AGBL1: variants seen among roughly 807,000 people sequenced by gnomAD.
AGBL1 encodes cytosolic carboxypeptidase 4.
AGBL1 carries 130 observed loss-of-function variants against 118.9 expected under a neutral mutation model. The observed-to-expected ratio is 1.09, with a 90% CI of 0.95 to 1.26. AGBL1 has a LOEUF of 1.26. Ranked by LOEUF, AGBL1 falls within the 50% of genes most tolerant of loss-of-function variation. The pLI, the probability that AGBL1 is intolerant of heterozygous loss-of-function variation, is 0.00. For synonymous variants in AGBL1, 555 were observed against 478.9 expected (o/e 1.16, Z -2.08); for missense variants, 1,584 against 1,298.1 (o/e 1.22, Z -3.38).
chr15:86,344,006 A>G (rs972036077), intron 17 of AGBL1, among the ~76,000 whole-genome samples: 5 of 152,190 alleles, frequency 3.3e-5, no homozygotes, highest in African/African-American at 1.2e-4. Context: ...AAGGTAGCAT[A>G]TTTTTGTTTC....
At chr15:86,963,299 T>C (rs1237945734) in intron 23 of AGBL1, among the ~76,000 whole-genome samples, 1 of 152,106 alleles carries the variant, frequency 6.6e-6, no homozygotes, top group Non-Finnish European at 1.5e-5. Flanking sequence ...TACAGAATCC[T>C]CAGTTTACTT....
intron 24 of AGBL1, among the ~76,000 whole-genome samples, chr15:87,015,019 A>G (rs1291133791): frequency 1.3e-5 from 2 of 152,122 alleles, no homozygotes; most frequent in African/African-American, 4.8e-5. Context: ...GACATGATTC[A>G]ATCAGCTTGG....
At chr15:86,881,263 C>T (rs1321843495) in intron 22 of AGBL1, among the ~76,000 whole-genome samples, 5 of 152,148 alleles carry the variant, frequency 3.3e-5, no homozygotes, top group African/African-American at 1.2e-4. Flanking sequence ...TCTGAAGAAA[C>T]TTTTCTTTTT....
At chr15:86,117,876 G>C (rs1897859754) in intron 1 of AGBL1, among the ~76,000 whole-genome samples, 1 of 152,198 alleles carries the variant, frequency 6.6e-6, no homozygotes, top group Non-Finnish European at 1.5e-5. Flanking sequence ...ATTTGGATTG[G>C]TGCGGGAATC....
intron 19 of AGBL1, among the ~76,000 whole-genome samples, chr15:86,542,225 C>G (rs185291439): frequency 6.6e-6 from 1 of 152,106 alleles, no homozygotes; most frequent in South Asian, 2.1e-4. Flanking sequence ...TGAGTTTATC[C>G]TGTTTATGAG....
rs61365024 is a variant in AGBL1 at position 86,262,078 on chromosome 15, C to CTTTTTTTTTTTTTTTTTTTTTTT, written c.970-684_970-683insTTTTTTTTTTTTTTTTTTTTTTT. ...CACTGCTAGGCCTATGCATAGCTGG[C>CTTTTTTTTTTTTTTTTTTTTTTT]TTTTTTTTTTTTTTTTGCCATTTAG... On this transcript the variant is annotated intron_variant, in intron 9 of 22. Coordinates refer to ENST00000614907, the MANE Select transcript of AGBL1 (RefSeq NM_001386094.1). 2.1e-3 allele frequency among the ~76,000 whole-genome samples: 111 copies of CTTTTTTTTTTTTTTTTTTTTTTT among 52,748 alleles called. 30 individuals are homozygous for CTTTTTTTTTTTTTTTTTTTTTTT. The highest frequency in any genetic ancestry group is 2.5e-3 in the Non-Finnish European group (70 of 28,092). The allele number at this position is 52,748 out of a possible 152,430, so 34.6% of individuals were successfully genotyped here. A position where few individuals can be genotyped will look rare whatever the true frequency, so the allele number is the denominator to read the frequency against.
rs529592156 is a variant in AGBL1 at position 86,154,410 on chromosome 15, A to G, written c.263-20A>G. On this transcript the variant is annotated intron_variant, in intron 3 of 22. Coordinates refer to ENST00000614907, the MANE Select transcript of AGBL1 (RefSeq NM_001386094.1). ...AATCAATGTGAAGTGCAACTAAGATAGATTGATTTGTGTTCTTAGATAAAA... is the reference window on the plus strand; with the variant it reads ...AATCAATGTGAAGTGCAACTAAGATGGATTGATTTGTGTTCTTAGATAAAA... 2.4e-5 allele frequency: 39 copies of G among 1,608,630 alleles called. 1 individual carries two copies. Among genetic ancestry groups the G allele is most frequent in the Non-Finnish European group, 2.9e-5 (34 of 1,177,322 alleles).
chr15:86,918,747 C>T (rs181533889), downstream of AGBL1, among the ~76,000 whole-genome samples: 1 of 152,208 alleles, frequency 6.6e-6, no homozygotes, highest in Admixed American at 6.5e-5. Context: ...ATGGGAAATA[C>T]GTGAAGCACA....
chr15:86,861,978 T>G (rs2079564877), intron 22 of AGBL1, among the ~76,000 whole-genome samples: 1 of 152,222 alleles, frequency 6.6e-6, no homozygotes, highest in African/African-American at 2.4e-5. Flanking sequence ...ATTAAGAGTC[T>G]ACATGGAACT....
chr15:86,846,517 G>GT (rs111896828), intron 22 of AGBL1, among the ~76,000 whole-genome samples: 1,607 of 151,288 alleles, frequency 0.011, 28 homozygotes, highest in African/African-American at 0.035. Context: ...AATTTGGGTA[G>GT]TTTTTTTTTG....
intron 24 of AGBL1, among the ~76,000 whole-genome samples, chr15:87,022,602 G>T (rs567842984): frequency 6.6e-6 from 1 of 151,960 alleles, no homozygotes; most frequent in Admixed American, 6.6e-5. Flanking sequence ...AGAAGCTCAA[G>T]GAACACCTGG....
intron 24 of AGBL1, among the ~76,000 whole-genome samples, chr15:86,997,759 CT>C (rs981876285): frequency 6.6e-6 from 1 of 151,872 alleles, no homozygotes; most frequent in East Asian, 1.9e-4. Flanking sequence ...ATCTCTGCTC[CT>C]TTTTTTTAAA....
chr15:86,512,096 C>G (rs1021270104), intron 18 of AGBL1, among the ~76,000 whole-genome samples: 8 of 152,066 alleles, frequency 5.3e-5, no homozygotes, highest in Middle Eastern at 3.4e-3. Flanking sequence ...GTTCCAGCTA[C>G]TCTTTCAGGC....
At chr15:86,226,426 T>G (rs573090101) in intron 6 of AGBL1, among the ~76,000 whole-genome samples, 3 of 152,224 alleles carry the variant, frequency 2.0e-5, no homozygotes, top group African/African-American at 7.2e-5. Context: ...ATGGAGGACT[T>G]GATGTTTCAT....
chr15:86,460,559 A>G (rs1277274096), intron 18 of AGBL1, among the ~76,000 whole-genome samples: 2 of 152,086 alleles, frequency 1.3e-5, no homozygotes, highest in Admixed American at 1.3e-4. Context: ...CTTGTTAAAC[A>G]TACAGCTTCC....
chr15:86,239,303 A>G (rs1048094157), intron 6 of AGBL1, among the ~76,000 whole-genome samples: 2 of 152,236 alleles, frequency 1.3e-5, no homozygotes, highest in East Asian at 3.8e-4. Flanking sequence ...ATTGAAATGT[A>G]TCTATTTTAC....
At chr15:86,408,227 G>A (rs745667011) in intron 18 of AGBL1, among the ~76,000 whole-genome samples, 2 of 152,160 alleles carry the variant, frequency 1.3e-5, no homozygotes, top group Non-Finnish European at 2.9e-5. Flanking sequence ...TCTGGGAAAT[G>A]AATAATTCTA....
At chr15:86,792,172 A>G (rs1413245005) in intron 22 of AGBL1, among the ~76,000 whole-genome samples, 2 of 152,188 alleles carry the variant, frequency 1.3e-5, no homozygotes, top group Admixed American at 1.3e-4. Context: ...TCAATACCAT[A>G]TACTATGTAC....
At chr15:86,810,694 G>C (rs77981969) in intron 22 of AGBL1, among the ~76,000 whole-genome samples, 120 of 152,216 alleles carry the variant, frequency 7.9e-4, no homozygotes, top group East Asian at 6.0e-3. Context: ...CCAGTGCAGA[G>C]GAAAATTTTT....
Sources: gnomAD v4.1 joint callset for allele counts (sites outside exome capture counted in the v4.1 genomes callset) on GRCh38, gnomAD v4.1.1 for gene constraint, MANE v1.5 for transcripts, NCBI Gene and HGNC (gene_info 2026-07-23, HGNC 2026-07-21) for gene names.